SPTY2D1: variants seen among roughly 807,000 people sequenced by gnomAD.
SPTY2D1 encodes protein SPT2 homolog.
SPTY2D1 carries 21 observed loss-of-function variants against 64.0 expected under a neutral mutation model. The observed-to-expected ratio is 0.33, with a 90% confidence interval of 0.23 to 0.47. The LOEUF is 0.47. Ranked by LOEUF, SPTY2D1 falls within the 20% of genes least tolerant of loss-of-function variation. SPTY2D1 has a pLI of 1.00. For synonymous variants in SPTY2D1, 287 were observed against 286.8 expected (o/e 1.00, Z -0.01); for missense variants, 724 against 837.2 (o/e 0.86, Z 1.67).
chr11:18,609,065 AT>A lies in SPTY2D1; in HGVS notation c.*795del, dbSNP rs1015808246. On this transcript the variant is annotated 3_prime_UTR_variant, in exon 6 of 6. Coordinates refer to ENST00000336349, the MANE Select transcript of SPTY2D1 (RefSeq NM_194285.3). ...CTTTCAAATCTAATGTTTGAATAAAATATTTTTTCTTCGATATAAAAATGAA... is the reference window on the plus strand; with the variant it reads ...CTTTCAAATCTAATGTTTGAATAAAAATTTTTTCTTCGATATAAAAATGAA... The A allele has an allele frequency of 6.6e-6, 1 of 152,354 alleles. No individual in the cohort carries two copies. Among genetic ancestry groups the A allele is most frequent in the African/African-American group, 2.4e-5 (1 of 41,468 alleles). 9.4% of individuals were successfully genotyped at this position (152,354 alleles called of 1,614,324 possible).
intron 3 of SPTY2D1, among the ~76,000 whole-genome samples, chr11:18,613,962 AG>A (rs35492160): frequency 2.0e-5 from 3 of 152,200 alleles, no homozygotes; most frequent in Non-Finnish European, 2.9e-5. Context: ...TTTAGTCCTC[AG>A]GAAAAAGTAG....
chr11:18,627,258 CAAAAAAAAAAA>C (rs1192277676), intron 1 of SPTY2D1, among the ~76,000 whole-genome samples: 1 of 48,736 alleles, frequency 2.1e-5, no homozygotes, highest in African/African-American at 7.9e-5. Context: ...ACTAAAAATA[CAAAAAAAAAAA>C]AAAAAAAAAA....
intron 1 of SPTY2D1, among the ~76,000 whole-genome samples, chr11:18,628,335 T>C (rs1043238439): frequency 6.6e-6 from 1 of 152,230 alleles, no homozygotes; most frequent in South Asian, 2.1e-4. Flanking sequence ...TATGTTTTCC[T>C]TTCTCTTAGG....
At chr11:18,626,431 A>AC (rs201920870) in intron 1 of SPTY2D1, among the ~76,000 whole-genome samples, 43 of 149,414 alleles carry the variant, frequency 2.9e-4, no homozygotes, top group Non-Finnish European at 5.6e-4. Context: ...AAACAAACAA[A>AC]AAAAAAAAAC....
At chr11:18,621,947 C>T (rs1854412197) in intron 1 of SPTY2D1, among the ~76,000 whole-genome samples, 1 of 151,608 alleles carries the variant, frequency 6.6e-6, no homozygotes, top group Non-Finnish European at 1.5e-5. Flanking sequence ...ATTAGCTGGG[C>T]ACAGTGGCAT....
intron 1 of SPTY2D1, among the ~76,000 whole-genome samples, chr11:18,623,310 TC>T (rs1854446683): frequency 6.6e-6 from 1 of 152,174 alleles, no homozygotes; most frequent in African/African-American, 2.4e-5. Context: ...TTAATCATTC[TC>T]CCAAAAAATC....
At chr11:18,614,500 T>A in intron 3 of SPTY2D1, 63 bp downstream of exon 3, 1 of 1,500,518 alleles carries the variant, frequency 6.7e-7, no homozygotes, top group Non-Finnish European at 9.0e-7. Context: ...CCTGATAATA[T>A]AAAAACTCTT....
rs1192090214 is a variant in SPTY2D1 at position 18,612,111 on chromosome 11, T to C, written c.1886+203A>G. 4.9e-6 allele frequency: 2 copies of C among 407,176 alleles called. No individual in the cohort carries two copies. Among genetic ancestry groups the C allele is most frequent in the Non-Finnish European group, 8.5e-6 (2 of 234,804 alleles). 25.2% of individuals were successfully genotyped at this position (407,176 alleles called of 1,614,324 possible). On this transcript the variant is annotated intron_variant, in intron 4 of 5. Transcript: ENST00000336349. This position sits in a 1 kb window ranked among gnomAD's most constrained non-coding sequence, Gnocchi z 4.6. ...TAAAAGGGTTATTTTTTGTTCCTCA[T>C]GCAAATAACTACAGAAACTATTTTG...
intron 1 of SPTY2D1, among the ~76,000 whole-genome samples, chr11:18,624,593 C>T (rs1017927904): frequency 1.3e-5 from 2 of 152,200 alleles, no homozygotes; most frequent in African/African-American, 4.8e-5. Flanking sequence ...CACTTTAAAA[C>T]ATATCTGTTC....
At chr11:18,619,286 T>A (rs904908129) in intron 1 of SPTY2D1, among the ~76,000 whole-genome samples, 1 of 151,954 alleles carries the variant, frequency 6.6e-6, no homozygotes, top group African/African-American at 2.4e-5. Flanking sequence ...ATTAAGGGAT[T>A]TGGAAGCAGA....
At chr11:18,629,051 G>T (rs191330735) in intron 1 of SPTY2D1, among the ~76,000 whole-genome samples, 1 of 152,124 alleles carries the variant, frequency 6.6e-6, no homozygotes, top group African/African-American at 2.4e-5. Flanking sequence ...CCCAAATTCT[G>T]GTATACCTGG....
chr11:18,615,848 C>T lies in SPTY2D1; in HGVS notation c.426G>A (p.Glu142=), dbSNP rs1854290669. The change falls in exon 3 of 6, where the codon GAG becomes GAA. Residue 142 remains glutamate, a synonymous_variant. Transcript: ENST00000336349. ...TGGGAGGTTCTTGCTCTTCCTCATA[C>T]TCCTGCTCTGACTCTGCGTGATTGT... ...LEYNHAESEQ[E]YEEEQEPPKV... The T allele has an allele frequency of 1.2e-6, 2 of 1,613,926 alleles. No individual in the cohort carries two copies. The highest frequency in any genetic ancestry group is 1.1e-5 in the South Asian group (1 of 91,072).
At chr11:18,631,268 G>T (rs570227204) in intron 1 of SPTY2D1, among the ~76,000 whole-genome samples, 4 of 152,234 alleles carry the variant, frequency 2.6e-5, no homozygotes, top group Non-Finnish European at 5.9e-5. Context: ...AGCTACCATC[G>T]AAGTCAAGAA....
At chr11:18,616,192 A>C in intron 2 of SPTY2D1, 94 bp from the exon 3 acceptor site, 1 of 1,153,654 alleles carries the variant, frequency 8.7e-7, no homozygotes, top group Non-Finnish European at 1.2e-6. Flanking sequence ...TACAGTTTGA[A>C]GACATCTAGG....
rs891559542 is a variant in SPTY2D1 at position 18,606,458 on chromosome 11, T to C, written c.*3403A>G. The C allele has an allele frequency of 3.7e-5, 6 of 163,274 alleles. No homozygotes were observed. Among genetic ancestry groups the C allele is most frequent in the Admixed American group, 2.0e-4 (3 of 15,334 alleles). 10.1% of individuals were successfully genotyped at this position (163,274 alleles called of 1,614,324 possible). A position where few individuals can be genotyped will look rare whatever the true frequency, so the allele number is the denominator to read the frequency against. On this transcript the variant is annotated 3_prime_UTR_variant, in exon 6 of 6. Coordinates refer to ENST00000336349, the MANE Select transcript of SPTY2D1 (RefSeq NM_194285.3). The stretch of plus-strand genomic sequence containing the variant: ...CTTGTATACATAAATTGCAAAACTT[T>C]CACCTGTATATGCAAAAGTATATTC...
At position 18,615,115 on chromosome 11, in the gene SPTY2D1, C is replaced by G. The variant is rs1303613756; in HGVS notation, c.1159G>C (p.Ala387Pro). Residue 387 changes from alanine (A) to proline (P), a missense_variant, in exon 3 of 6, where the codon GCT (alanine) becomes CCT (proline). Around this residue, in one of 3 missense-constraint regions of SPTY2D1, gnomAD observed 426 missense variants for 431.8 expected, o/e 0.99. Coordinates refer to ENST00000336349, the MANE Select transcript of SPTY2D1 (RefSeq NM_194285.3). ...SAPGQPSTGV[A>P]RPTVSSGPVP... ...GGGCCAGAACTAACTGTGGGTCGAG[C>G]AACCCCTGTGCTGGGCTGCCCAGGG... is the stretch of plus-strand genomic sequence containing the variant. The G allele has an allele frequency of 1.9e-6, 3 of 1,614,084 alleles. No homozygotes were observed. The highest frequency in any genetic ancestry group is 1.3e-5 in the African/African-American group (1 of 74,946).
chr11:18,617,337 C>T (rs1854314866), intron 1 of SPTY2D1, among the ~76,000 whole-genome samples: 1 of 152,068 alleles, frequency 6.6e-6, no homozygotes, highest in Non-Finnish European at 1.5e-5. Flanking sequence ...TTTTAAAATT[C>T]TGATTTAGGC....
chr11:18,625,469 G>T (rs186630759), intron 1 of SPTY2D1, among the ~76,000 whole-genome samples: 1 of 152,134 alleles, frequency 6.6e-6, no homozygotes, highest in Admixed American at 6.5e-5. Flanking sequence ...GTATTTACTG[G>T]CAATCACACG....
chr11:18,630,426 G>C (rs143576909), intron 1 of SPTY2D1, among the ~76,000 whole-genome samples: 1,679 of 152,276 alleles, frequency 0.011, 24 homozygotes, highest in East Asian at 0.075. Context: ...AGTGAGCAGA[G>C]ATAGCGCCAC....
Sources: gnomAD v4.1 joint callset for allele counts (sites outside exome capture counted in the v4.1 genomes callset) on GRCh38, gnomAD v4.1.1 for gene constraint, gnomAD v4.1.1 regional missense constraint, Gnocchi (gnomAD v3.1) non-coding constraint, MANE v1.5 for transcripts, NCBI Gene and HGNC (gene_info 2026-07-23, HGNC 2026-07-21) for gene names.